FGFR2: variants seen among roughly 807,000 people sequenced by gnomAD.
FGFR2 encodes the protein BEK fibroblast growth factor receptor.
FGFR2 carries 19 observed loss-of-function variants against 95.9 expected under a neutral mutation model. That is an observed-to-expected ratio of 0.20 (90% CI 0.14 to 0.29). The LOEUF (loss-of-function observed/expected upper bound fraction) is 0.29, where lower values mean the gene tolerates loss of function less well. Among genes scored for constraint, FGFR2 ranks in the 10% least tolerant of loss-of-function variants. FGFR2 has a pLI of 1.00. For synonymous variants in FGFR2, 392 were observed against 393.3 expected (o/e 1.00, Z 0.04); for missense variants, 707 against 1,056.9 (o/e 0.67, Z 4.59).
chr10:121,529,787 T>C (rs938496981), intron 6 of FGFR2, among the ~76,000 whole-genome samples: 1 of 152,218 alleles, frequency 6.6e-6, no homozygotes, highest in African/African-American at 2.4e-5. Context: ...AGGAACTCCA[T>C]GAGGGCAAAG....
intron 14 of FGFR2, 58 bp downstream of exon 14, chr10:121,487,933 T>C: frequency 6.2e-7 from 1 of 1,611,382 alleles, no homozygotes; most frequent in Non-Finnish European, 8.5e-7. Context: ...CCTTTCTTCC[T>C]GGAACATTCT....
At chr10:121,547,294 G>C (rs1854658997) in intron 5 of FGFR2, among the ~76,000 whole-genome samples, 1 of 152,172 alleles carries the variant, frequency 6.6e-6, no homozygotes, top group African/African-American at 2.4e-5. Flanking sequence ...TTAGATGTCA[G>C]GCCCTCTGAG....
At position 121,548,107 on chromosome 10, in the gene FGFR2, A is replaced by C. The variant is rs142474389; in HGVS notation, c.624+3183T>G. 4.7e-3 allele frequency among the ~76,000 whole-genome samples: 719 copies of C among 152,100 alleles called. 6 individuals are homozygous for C. The highest frequency in any genetic ancestry group is 0.016 in the African/African-American group (655 of 41,502). ...AAAAGCCCTTGATCAACCTAGGCTG[A>C]CCACCTCTGCAACTAGCGGGCCAAC... is the stretch of plus-strand genomic sequence containing the variant. On this transcript the variant is annotated intron_variant, in intron 5 of 17. Coordinates refer to ENST00000358487, the MANE Select transcript of FGFR2 (RefSeq NM_000141.5).
intron 2 of FGFR2, among the ~76,000 whole-genome samples, chr10:121,568,999 T>C (rs1858126681): frequency 6.6e-6 from 1 of 152,110 alleles, no homozygotes; most frequent in African/African-American, 2.4e-5. Context: ...TCCCCATCTG[T>C]TGCAGGGTAA....
At chr10:121,541,602 T>TA (rs1188420856) in intron 5 of FGFR2, among the ~76,000 whole-genome samples, 1 of 152,228 alleles carries the variant, frequency 6.6e-6, no homozygotes, top group African/African-American at 2.4e-5. Context: ...CAAATGCACA[T>TA]ACACCGTCTT....
chr10:121,566,340 T>G (rs1037878705), intron 2 of FGFR2, among the ~76,000 whole-genome samples: 1 of 152,112 alleles, frequency 6.6e-6, no homozygotes, highest in Non-Finnish European at 1.5e-5. Context: ...TTTCCCAAAA[T>G]GATAAAAGCC....
At chr10:121,522,297 A>G (rs1416418300) in intron 6 of FGFR2, among the ~76,000 whole-genome samples, 4 of 152,174 alleles carry the variant, frequency 2.6e-5, no homozygotes, top group Non-Finnish European at 5.9e-5. Flanking sequence ...CATGCCTTTG[A>G]GCATAATCCC....
intron 4 of FGFR2, among the ~76,000 whole-genome samples, chr10:121,553,233 A>G (rs1855649069): frequency 6.6e-6 from 1 of 152,170 alleles, no homozygotes; most frequent in Non-Finnish European, 1.5e-5. Context: ...GGGCAAAACT[A>G]TCGAAGCCAG....
chr10:121,509,734 CG>C (rs1848812326), intron 9 of FGFR2, among the ~76,000 whole-genome samples: 1 of 151,848 alleles, frequency 6.6e-6, no homozygotes, highest in Non-Finnish European at 1.5e-5. Flanking sequence ...CCACCTACGT[CG>C]GCCTCCCAAA....
rs746045068 is a variant in FGFR2, at chr10:121,590,989, G to GCACA, written c.109+2716_109+2719dup. Among the ~76,000 whole-genome samples, 432 of 148,820 alleles carry GCACA rather than the reference G, an allele frequency of 2.9e-3. 3 individuals are homozygous for GCACA. Among genetic ancestry groups the GCACA allele is most frequent in the African/African-American group, 7.3e-3 (293 of 40,194 alleles). On this transcript the variant is annotated intron_variant, in intron 2 of 17. Coordinates refer to ENST00000358487, the MANE Select transcript of FGFR2 (RefSeq NM_000141.5). ...CACGCACGCACGCACGCGCACTCGC[G>GCACA]CACACACACACACACACGCACACTC...
chr10:121,596,068 C>T (rs1863389902), intron 1 of FGFR2, among the ~76,000 whole-genome samples: 1 of 152,242 alleles, frequency 6.6e-6, no homozygotes, highest in African/African-American at 2.4e-5. Flanking sequence ...ATGCCGCTGG[C>T]GGCCACAATC....
chr10:121,524,131 CA>C (rs1850968895), intron 6 of FGFR2, among the ~76,000 whole-genome samples: 9 of 149,282 alleles, frequency 6.0e-5, no homozygotes, highest in Admixed American at 5.3e-4. Flanking sequence ...CACACACACA[CA>C]CACACACACA....
In FGFR2 at chr10:121,518,050, G is replaced by T; in HGVS notation, c.940-587C>A. 2.0e-6 allele frequency: 1 copy of T among 498,212 alleles called. No individual in the cohort carries two copies. The highest frequency in any genetic ancestry group is 3.9e-6 in the Non-Finnish European group (1 of 254,522). 30.9% of individuals were successfully genotyped at this position (498,212 alleles called of 1,614,324 possible). A position where few individuals can be genotyped will look rare whatever the true frequency, so the allele number is the denominator to read the frequency against. On this transcript the variant is annotated intron_variant, in intron 7 of 17. Coordinates refer to ENST00000358487, the MANE Select transcript of FGFR2 (RefSeq NM_000141.5). This position sits in a 1 kb window ranked among gnomAD's most constrained non-coding sequence, Gnocchi z 4.0. ...AAGAAATGGAAGCAAGCATCATCTTGGTAACCAAAAAAACTGGGCTTTTTC... is the reference window on the plus strand; with the variant it reads ...AAGAAATGGAAGCAAGCATCATCTTTGTAACCAAAAAAACTGGGCTTTTTC...
At chr10:121,550,565 G>A (rs1855240545) in intron 5 of FGFR2, among the ~76,000 whole-genome samples, 3 of 152,062 alleles carry the variant, frequency 2.0e-5, no homozygotes, top group South Asian at 2.1e-4. Context: ...TCATCTCCAC[G>A]CACTCTCCCT....
At position 121,503,819 on chromosome 10, in the gene FGFR2, C is replaced by A. The variant is rs974338458; in HGVS notation, c.1410G>T (p.Glu470Asp). Reference sequence around the variant, plus strand: ...CTCTTGGAAACTCCCATTTTGGGTCCTCTGGAAGTTCATACTCGGAGACCC... The same window carrying A: ...CTCTTGGAAACTCCCATTTTGGGTCATCTGGAAGTTCATACTCGGAGACCC... The part of the protein sequence containing the change: ...LAGVSEYELP[E>D]DPKWEFPRDK... The change falls in exon 10 of 18, where the codon GAG becomes GAT. Residue 470 changes from glutamate (E) to aspartate (D), a missense_variant. Physicochemically the swap from Glu to Asp is conservative, Grantham distance 45. Transcript: ENST00000358487. 6.2e-7 allele frequency: 1 copy of A among 1,614,130 alleles called. No homozygotes were observed. Among genetic ancestry groups the A allele is most frequent in the Middle Eastern group, 1.6e-4 (1 of 6,062 alleles).
At chr10:121,571,724 A>T (rs1488444852) in intron 2 of FGFR2, among the ~76,000 whole-genome samples, 1 of 151,942 alleles carries the variant, frequency 6.6e-6, no homozygotes, top group Non-Finnish European at 1.5e-5. Context: ...CGGGCGGATC[A>T]CCTGAGGTCA....
chr10:121,547,378 T>C (rs1213124924), intron 5 of FGFR2, among the ~76,000 whole-genome samples: 2 of 151,326 alleles, frequency 1.3e-5, no homozygotes, highest in Non-Finnish European at 2.9e-5. Flanking sequence ...TGAAGTCAAA[T>C]GTGCAAAGGT....
intron 9 of FGFR2, among the ~76,000 whole-genome samples, chr10:121,511,075 G>A (rs541553666): frequency 1.3e-5 from 2 of 151,948 alleles, no homozygotes; most frequent in East Asian, 1.9e-4. Context: ...AAAGTGCTGG[G>A]ATTACAGGCA....
intron 5 of FGFR2, among the ~76,000 whole-genome samples, chr10:121,548,125 G>A (rs1030242246): frequency 2.6e-5 from 4 of 151,958 alleles, no homozygotes; most frequent in African/African-American, 4.8e-5. Context: ...TGCAACTAGC[G>A]GGCCAACCTC....
Sources: allele counts gnomAD v4.1 joint callset (sites outside exome capture counted in the v4.1 genomes callset), GRCh38; gene constraint gnomAD v4.1.1; non-coding constraint Gnocchi (gnomAD v3.1); transcripts MANE v1.5; gene names NCBI Gene and HGNC (gene_info 2026-07-23, HGNC 2026-07-21).